Variants in LRRC4C observed in about 807,000 individuals in gnomAD.
LRRC4C encodes the protein leucine rich repeat containing 4C.
In LRRC4C, 5 loss-of-function variants were observed where a neutral mutation model predicts 33.6. The ratio of observed to expected loss-of-function variants is 0.15; its 90% CI spans 0.08 to 0.31. LRRC4C has a LOEUF of 0.31. Ranked by LOEUF, LRRC4C falls within the 10% of genes least tolerant of loss-of-function variation. The probability of loss-of-function intolerance (pLI) is 1.00; values close to 1 mark genes in which losing one functional copy is unlikely to be tolerated. For synonymous variants in LRRC4C, 329 were observed against 302.0 expected (o/e 1.09, Z -0.93); for missense variants, 560 against 796.7 (o/e 0.70, Z 3.58).
At chr11:41,162,245 G>A (rs569740078) in intron 1 of LRRC4C, among the ~76,000 whole-genome samples, 63 of 152,150 alleles carry the variant, frequency 4.1e-4, no homozygotes, top group South Asian at 1.9e-3. Context: ...TCTGACCCTC[G>A]GACTAAGCTA....
intron 2 of LRRC4C, among the ~76,000 whole-genome samples, chr11:40,727,747 T>C (rs1947354446): frequency 6.6e-6 from 1 of 151,976 alleles, no homozygotes; most frequent in South Asian, 2.1e-4. Context: ...GCAAAGAACA[T>C]GTCAAAAGAA....
chr11:40,308,267 C>T (rs1176809366), intron 4 of LRRC4C, among the ~76,000 whole-genome samples: 1 of 152,132 alleles, frequency 6.6e-6, no homozygotes, highest in East Asian at 1.9e-4. Flanking sequence ...GAAATCTAGC[C>T]AAGCTTATGC....
At chr11:40,664,669 C>T (rs73469326) in intron 2 of LRRC4C, among the ~76,000 whole-genome samples, 6,165 of 151,806 alleles carry the variant, frequency 0.041, 418 homozygotes, top group African/African-American at 0.14. Context: ...AAAATGTAGG[C>T]GTAATGATTT....
At chr11:41,063,157 T>C (rs866877188) in intron 1 of LRRC4C, among the ~76,000 whole-genome samples, 3 of 152,212 alleles carry the variant, frequency 2.0e-5, no homozygotes, top group Middle Eastern at 3.2e-3. Context: ...ATCTGTACTG[T>C]GTGTCAGAGT....
chr11:40,534,247 T>C (rs1036713658), intron 3 of LRRC4C, among the ~76,000 whole-genome samples: 1 of 147,924 alleles, frequency 6.8e-6, no homozygotes, highest in East Asian at 1.9e-4. Flanking sequence ...TGCTTTTTGC[T>C]ACCATTGTTA....
intron 1 of LRRC4C, among the ~76,000 whole-genome samples, chr11:41,267,333 T>C (rs1189439966): frequency 1.3e-5 from 2 of 152,102 alleles, no homozygotes; most frequent in African/African-American, 4.8e-5. Context: ...GGTAGACTGC[T>C]ATAGTGAAAA....
In LRRC4C at chr11:41,330,613, C is replaced by T. The variant is rs539208782; in HGVS notation, c.-496+128818G>A. Among the ~76,000 whole-genome samples the T allele has an allele frequency of 3.4e-3, 515 of 152,152 alleles. 6 individuals carry two copies. The highest frequency in any genetic ancestry group is 0.012 in the African/African-American group (504 of 41,514). The stretch of plus-strand genomic sequence containing the variant: ...TGAGACAGGGTCTCCCAGTCTGTCG[C>T]CCAGACTGGAGTGTAGTGGTGCAAT... On this transcript the variant is annotated intron_variant, in intron 1 of 6. Transcript: ENST00000528697.
chr11:41,211,440 G>A (rs1331039259), intron 1 of LRRC4C, among the ~76,000 whole-genome samples: 5 of 152,034 alleles, frequency 3.3e-5, no homozygotes, highest in African/African-American at 9.7e-5. Flanking sequence ...TTAACTCATC[G>A]TTTACATTAG....
At chr11:40,868,535 C>A (rs944018509) in intron 2 of LRRC4C, among the ~76,000 whole-genome samples, 4 of 152,010 alleles carry the variant, frequency 2.6e-5, no homozygotes, top group Non-Finnish European at 5.9e-5. Context: ...TCTCTAAAGC[C>A]CTGAACCCAA....
chr11:40,983,674 T>C (rs1395430446), intron 1 of LRRC4C, among the ~76,000 whole-genome samples: 1 of 152,104 alleles, frequency 6.6e-6, no homozygotes, highest in African/African-American at 2.4e-5. Context: ...CATTAAAAAG[T>C]GGGCAAAAGA....
At chr11:40,550,923 G>A (rs994676362) in intron 3 of LRRC4C, among the ~76,000 whole-genome samples, 1 of 152,000 alleles carries the variant, frequency 6.6e-6, no homozygotes, top group Non-Finnish European at 1.5e-5. Flanking sequence ...GTAGAGTATT[G>A]GTTGATGGAT....
In LRRC4C at chr11:40,619,765, T is replaced by C. The variant is rs1445535546; in HGVS notation, c.-270+28377A>G. Among the ~76,000 whole-genome samples the C allele has an allele frequency of 2.6e-5, 4 of 151,618 alleles. No individual in the cohort carries two copies. The South Asian group carries it at 8.3e-4, about 32-fold the overall frequency. On this transcript the variant is annotated intron_variant, in intron 3 of 6. Transcript: ENST00000528697. Reference sequence around the variant, plus strand: ...AAACAGAAATGTACATTTCTCAGGATAGGAAATTTCAACATCCCACGATAA... The same window carrying C: ...AAACAGAAATGTACATTTCTCAGGACAGGAAATTTCAACATCCCACGATAA...
intron 2 of LRRC4C, among the ~76,000 whole-genome samples, chr11:40,751,440 TAGTC>T (rs911746219): frequency 1.3e-5 from 2 of 151,994 alleles, no homozygotes; most frequent in Admixed American, 6.6e-5. Context: ...AAGTTAACAA[TAGTC>T]AGTAATGTTT....
At chr11:41,378,416 A>AAT (rs1246454161) in intron 1 of LRRC4C, among the ~76,000 whole-genome samples, 3 of 152,136 alleles carry the variant, frequency 2.0e-5, no homozygotes, top group African/African-American at 7.2e-5. Context: ...GTATTGCATT[A>AAT]ATTTTGTGAT....
At chr11:40,346,421 C>T (rs543488370) in intron 3 of LRRC4C, among the ~76,000 whole-genome samples, 1 of 152,178 alleles carries the variant, frequency 6.6e-6, no homozygotes, top group Admixed American at 6.5e-5. Context: ...GAGCTAGAGG[C>T]CATTATTCTT....
chr11:40,784,797 G>T (rs989853066), intron 2 of LRRC4C, among the ~76,000 whole-genome samples: 1 of 152,114 alleles, frequency 6.6e-6, no homozygotes, highest in South Asian at 2.1e-4. Context: ...TCTAGAAAGG[G>T]TATGAAATAG....
intron 1 of LRRC4C, among the ~76,000 whole-genome samples, chr11:41,457,410 T>C (rs1439922029): frequency 6.6e-6 from 1 of 152,176 alleles, no homozygotes; most frequent in Non-Finnish European, 1.5e-5. Context: ...GAATGCTGAT[T>C]GTCCAGGCAG....
At chr11:40,937,447 C>T (rs1957952588) in intron 1 of LRRC4C, among the ~76,000 whole-genome samples, 1 of 152,026 alleles carries the variant, frequency 6.6e-6, no homozygotes, top group Non-Finnish European at 1.5e-5. Flanking sequence ...TCTGCACATG[C>T]ACTTCCATGT....
At chr11:41,002,233 A>G (rs948972391) in intron 1 of LRRC4C, among the ~76,000 whole-genome samples, 4 of 152,196 alleles carry the variant, frequency 2.6e-5, no homozygotes, top group Admixed American at 2.0e-4. Context: ...CATGTAAGCA[A>G]TCCATAAACT....
Sources: allele counts gnomAD v4.1 joint callset (sites outside exome capture counted in the v4.1 genomes callset), GRCh38; gene constraint gnomAD v4.1.1; transcripts MANE v1.5; gene names NCBI Gene and HGNC (gene_info 2026-07-23, HGNC 2026-07-21).